The following PRR14L variants were observed in gnomAD, a reference collection of about 807,000 sequenced individuals.
The protein encoded by PRR14L is proline rich 14 like, also known as protein PRR14L.
PRR14L carries 80 observed loss-of-function variants against 155.0 expected under a neutral mutation model. The ratio of observed to expected loss-of-function variants is 0.52; its 90% confidence interval spans 0.43 to 0.62. PRR14L has a LOEUF of 0.62. Ranked by LOEUF, PRR14L falls within the 20% of genes least tolerant of loss-of-function variation. The pLI is 0.00. For synonymous variants in PRR14L, 883 were observed against 916.0 expected (o/e 0.96, Z 0.65); for missense variants, 2,469 against 2,548.0 (o/e 0.97, Z 0.67).
At chr22:31,705,490 C>T (rs1158417639) in intron 4 of PRR14L, among the ~76,000 whole-genome samples, 1 of 151,962 alleles carries the variant, frequency 6.6e-6, no homozygotes, top group African/African-American at 2.4e-5. Context: ...TCTTCTGCCT[C>T]AGCCTCCCAA....
At chr22:31,745,371 C>T (rs897091354) in intron 1 of PRR14L, among the ~76,000 whole-genome samples, 2 of 150,292 alleles carry the variant, frequency 1.3e-5, no homozygotes, top group African/African-American at 2.4e-5. Context: ...AGCGAGACTC[C>T]GTCTCAAAAA....
intron 2 of PRR14L, among the ~76,000 whole-genome samples, chr22:31,733,586 T>C (rs1183299674): frequency 1.3e-5 from 2 of 152,100 alleles, no homozygotes; most frequent in Non-Finnish European, 2.9e-5. Flanking sequence ...ATTACAGGCC[T>C]AGAAGTCTAT....
At position 31,703,682 on chromosome 22, in the gene PRR14L, G is replaced by GC. The variant is rs1232817331; in HGVS notation, c.5867dup (p.Cys1956TrpfsTer17). The GC allele has an allele frequency of 6.2e-7, 1 of 1,607,906 alleles. No individual in the cohort carries two copies. The highest frequency in any genetic ancestry group is 8.5e-7 in the Non-Finnish European group (1 of 1,176,664). On this transcript the variant is annotated frameshift_variant, in exon 6 of 9. Coordinates refer to ENST00000327423, the MANE Select transcript of PRR14L (RefSeq NM_173566.3). LOFTEE classifies it high-confidence loss of function. ...TGCTGACAGCTGATTCTGCTACCAA[G>GC]CAAGACTTTGGTACCAAGGCAGGGA...
chr22:31,684,068 TGAGA>T lies in PRR14L; in HGVS notation c.*1455_*1458del. 1 of 152,122 alleles carries T rather than the reference TGAGA, an allele frequency of 6.6e-6. No individual in the cohort carries two copies. The allele number at this position is 152,122 out of a possible 1,614,324, so 9.4% of individuals were successfully genotyped here. On this transcript the variant is annotated 3_prime_UTR_variant, in exon 9 of 9. Transcript: ENST00000327423. ...ATGTTAATTCTCTAAACTCTTGTTT[TGAGA>T]GAGAAAGAGAAACCCCTAGAGAAGG...
At chr22:31,732,341 T>C (rs2074754793) in intron 2 of PRR14L, among the ~76,000 whole-genome samples, 1 of 152,018 alleles carries the variant, frequency 6.6e-6, no homozygotes, top group African/African-American at 2.4e-5. Context: ...GGAACTAGAG[T>C]TTGGGAGTTT....
chr22:31,704,164 C>A (rs2074577666), intron 5 of PRR14L, among the ~76,000 whole-genome samples: 1 of 152,310 alleles, frequency 6.6e-6, no homozygotes, highest in African/African-American at 2.4e-5. Context: ...TCCAGTCAAC[C>A]TGCATTCTAG....
Position 31,713,316 on chromosome 22 carries a change from C to T in PRR14L, c.4523G>A (p.Gly1508Asp), listed in dbSNP as rs1397723289. ...AAGAACTCCTTTCTTCGCAAAGGCACCATGTATTTGATCACACCCAGCAGA... is the reference window on the plus strand; with the variant it reads ...AAGAACTCCTTTCTTCGCAAAGGCATCATGTATTTGATCACACCCAGCAGA... ...PSSAGCDQIH[G>D]AFAKKGVLPL... The change falls in exon 4 of 9, where the codon GGT (glycine) becomes GAT (aspartate). Residue 1508 changes from glycine to aspartate, a missense_variant. Gly to Asp is a moderately conservative substitution (Grantham distance 94). Transcript: ENST00000327423. The T allele has an allele frequency of 1.9e-6, 3 of 1,552,300 alleles. No individual in the cohort carries two copies. The South Asian group carries it at 3.6e-5, about 18-fold the overall frequency.
chr22:31,714,569 C>T lies in PRR14L; in HGVS notation c.3270G>A (p.Glu1090=). Residue 1090 remains glutamate, a synonymous_variant, in exon 4 of 9, where the codon GAG becomes GAA. Coordinates refer to ENST00000327423, the MANE Select transcript of PRR14L (RefSeq NM_173566.3). ...TCCGAGACAAGGTACTCCTGGAGTC[C>T]TCTTGAAATGCCAGTTTCTCTTGCC... ...GARQEKLAFQ[E]DSRSTLSRRE... is the part of the protein sequence containing the mutation. The T allele has an allele frequency of 6.4e-7, 1 of 1,551,934 alleles. No homozygotes were observed.
chr22:31,738,368 T>C lies in PRR14L; in HGVS notation c.474+19A>G. 2.6e-6 allele frequency: 4 copies of C among 1,534,580 alleles called. No homozygotes were observed. Among genetic ancestry groups the C allele is most frequent in the Middle Eastern group, 1.7e-4 (1 of 5,940 alleles). ...GTCATTCACACTCAACTCTTCGGAA[T>C]GGAGATTTCATTTCTTACCTGACTC... On this transcript the variant is annotated intron_variant, in intron 2 of 8. Transcript: ENST00000327423.
At chr22:31,692,216 T>C (rs752892685) in intron 7 of PRR14L, among the ~76,000 whole-genome samples, 3 of 152,136 alleles carry the variant, frequency 2.0e-5, no homozygotes, top group Non-Finnish European at 2.9e-5. Context: ...TTGGGTCATA[T>C]GGTAACTAAT....
Position 31,745,855 on chromosome 22 carries a change from A to ATATAT in PRR14L, c.-52+4137_-52+4138insATATA, listed in dbSNP as rs1184334636. Among the ~76,000 whole-genome samples the ATATAT allele has an allele frequency of 7.0e-5, 10 of 142,548 alleles. No homozygotes were observed. In the South Asian group the frequency reaches 1.2e-3, roughly 17 times the overall value. 93.5% of individuals were successfully genotyped at this position (142,548 alleles called of 152,430 possible). ...GGGAGACTCAGTTTAAAAAAAAAAA[A>ATATAT]AAAAAAATATATATATATATATAAG... is the stretch of plus-strand genomic sequence containing the variant. On this transcript the variant is annotated intron_variant, in intron 1 of 8. Transcript: ENST00000327423.
intron 8 of PRR14L, among the ~76,000 whole-genome samples, chr22:31,686,101 A>ATT (rs369773040): frequency 1.4e-5 from 2 of 138,270 alleles, no homozygotes; most frequent in African/African-American, 2.7e-5. Context: ...TGCCAGGTTA[A>ATT]TTTTTTTTTT....
Position 31,703,623 on chromosome 22 carries a change from C to A in PRR14L, c.5927G>T (p.Arg1976Leu), listed in dbSNP as rs1333523338. Residue 1976 changes from arginine (R) to leucine (L), a missense_variant, in exon 6 of 9, where the codon CGT becomes CTT. Arg to Leu is a moderately radical substitution (Grantham distance 102). Coordinates refer to ENST00000327423, the MANE Select transcript of PRR14L (RefSeq NM_173566.3). ...CACACCATCCAGCTCATCCAATCCA[C>A]GAACCTGGAACTCAGAGGCTGAAAG... ...LLLSASEFQV[R>L]GLDELDGVKA... 6.2e-7 allele frequency: 1 copy of A among 1,613,684 alleles called. No homozygotes were observed. The highest frequency in any genetic ancestry group is 8.5e-7 in the Non-Finnish European group (1 of 1,179,864).
At chr22:31,723,910 T>A (rs1708951600) in intron 3 of PRR14L, among the ~76,000 whole-genome samples, 1 of 152,198 alleles carries the variant, frequency 6.6e-6, no homozygotes. Flanking sequence ...CTGTTAGAAA[T>A]CGGGCGGCAC....
At position 31,716,236 on chromosome 22, in the gene PRR14L, A is replaced by T. The variant is rs2074658493; in HGVS notation, c.1603T>A (p.Ser535Thr). The part of the protein sequence containing the change: ...TPVEPNILSK[S>T]FYTKDCNSLV... ...GAGTTACAGTCTTTAGTGTAAAAAG[A>T]TTTACTTAATATATTGGGCTCTACA... The change falls in exon 4 of 9, where the codon TCT becomes ACT. Residue 535 changes from serine (S) to threonine (T), a missense_variant. Physicochemically the swap from Ser to Thr is moderately conservative, Grantham distance 58. This residue lies in a region of PRR14L where 2,363 missense variants were observed against 2,371.6 expected (regional missense o/e 1.00). Coordinates refer to ENST00000327423, the MANE Select transcript of PRR14L (RefSeq NM_173566.3). 6.4e-7 allele frequency: 1 copy of T among 1,551,388 alleles called. No homozygotes were observed. The highest frequency in any genetic ancestry group is 1.4e-5 in the African/African-American group (1 of 73,028).
In PRR14L at chr22:31,738,751, T is replaced by C. The variant is rs1395649788; in HGVS notation, c.110A>G (p.His37Arg). The change falls in exon 2 of 9, where the codon CAT (histidine) becomes CGT (arginine). Residue 37 changes from histidine (H) to arginine (R), a missense_variant. This residue lies in a region of PRR14L where 2,363 missense variants were observed against 2,371.6 expected (regional missense o/e 1.00). Coordinates refer to ENST00000327423, the MANE Select transcript of PRR14L (RefSeq NM_173566.3). Reference protein sequence around the residue: ...ELPVSVSRELHADPEPSVIPD... With the variant: ...ELPVSVSRELRADPEPSVIPD... ...AATCACACTTGGCTCAGGGTCAGCA[T>C]GAAGCTCTCTGGAGACACTTACTGG... 6.4e-7 allele frequency: 1 copy of C among 1,551,944 alleles called. No individual in the cohort carries two copies. The highest frequency in any genetic ancestry group is 8.7e-7 in the Non-Finnish European group (1 of 1,147,044).
intron 7 of PRR14L, among the ~76,000 whole-genome samples, chr22:31,700,051 G>T (rs772475767): frequency 6.6e-6 from 1 of 151,978 alleles, no homozygotes; most frequent in Non-Finnish European, 1.5e-5. Flanking sequence ...GACCCTTCTC[G>T]GTCTGCGCCA....
In PRR14L at chr22:31,715,819, A is replaced by T; in HGVS notation, c.2020T>A (p.Leu674Ile). ...ANLPTDSLLH[L>I]NKEMPLATGR... ...GTTGCTAAAGGCATCTCTTTGTTTA[A>T]ATGCAGTAGAGAGTCAGTTGGCAAA... The change falls in exon 4 of 9, where the codon TTA (leucine) becomes ATA (isoleucine). Residue 674 changes from leucine to isoleucine, a missense_variant. Physicochemically the swap from Leu to Ile is conservative, Grantham distance 5. Around this residue, in one of 2 missense-constraint regions of PRR14L, gnomAD observed 2,363 missense variants for 2,371.6 expected, o/e 1.00. Coordinates refer to ENST00000327423, the MANE Select transcript of PRR14L (RefSeq NM_173566.3). 6.4e-7 allele frequency: 1 copy of T among 1,551,660 alleles called. No individual in the cohort carries two copies. The highest frequency in any genetic ancestry group is 8.7e-7 in the Non-Finnish European group (1 of 1,146,944).
rs1158936417 is a variant in PRR14L at position 31,682,987 on chromosome 22, GT to G, written c.*2539del. 1 of 152,200 alleles carries G rather than the reference GT, an allele frequency of 6.6e-6. No individual in the cohort carries two copies. Among genetic ancestry groups the G allele is most frequent in the Non-Finnish European group, 1.5e-5 (1 of 68,040 alleles). The allele number at this position is 152,200 out of a possible 1,614,324, so 9.4% of individuals were successfully genotyped here. The stretch of plus-strand genomic sequence containing the variant: ...GCCTAGGTATATACATCACCTTCAG[GT>G]AAGTAATTTCAAGTTTGCAGTGGGG... On this transcript the variant is annotated 3_prime_UTR_variant, in exon 9 of 9. Coordinates refer to ENST00000327423, the MANE Select transcript of PRR14L (RefSeq NM_173566.3).
Sources: allele counts gnomAD v4.1 joint callset (sites outside exome capture counted in the v4.1 genomes callset), GRCh38; gene constraint gnomAD v4.1.1; regional missense constraint gnomAD v4.1.1; transcripts MANE v1.5; gene names NCBI Gene and HGNC (gene_info 2026-07-23, HGNC 2026-07-21).